Variants in ERV3-1 observed in about 807,000 individuals in gnomAD.
The protein encoded by ERV3-1 is endogenous retrovirus group 3 member 1 Env polyprotein.
Under a neutral mutation model 24.6 loss-of-function variants are expected in ERV3-1, and 36 were observed. The observed-to-expected ratio is 1.47, with a 90% confidence interval of 1.12 to 1.94. ERV3-1 has a LOEUF of 1.94. Ranked by LOEUF, ERV3-1 falls within the 30% of genes most tolerant of loss-of-function variation. The pLI, the probability that ERV3-1 is intolerant of heterozygous loss-of-function variation, is 0.00. For synonymous variants in ERV3-1, 211 were observed against 122.6 expected (o/e 1.72, Z -4.76); for missense variants, 578 against 330.9 (o/e 1.75, Z -5.79).
chr7:64,993,708 T>C (rs1469262476), intron 1 of ERV3-1, among the ~76,000 whole-genome samples: 1 of 152,122 alleles, frequency 6.6e-6, no homozygotes, highest in Non-Finnish European at 1.5e-5. Context: ...ATAGGGCGAA[T>C]ACCCAGTTTG....
chr7:65,006,538 C>T lies in ERV3-1; in HGVS notation c.-389+3G>A, dbSNP rs976491279. ...CTCGGGATGTCGGACCCGGCACTCTCACCATTTCTAGGCTTCCAGTGGGTC... is the reference window on the plus strand; with the variant it reads ...CTCGGGATGTCGGACCCGGCACTCTTACCATTTCTAGGCTTCCAGTGGGTC... On this transcript the variant is annotated splice_donor_region_variant and intron_variant, in intron 1 of 1. Coordinates refer to ENST00000394323, the MANE Select transcript of ERV3-1 (RefSeq NM_001007253.4). 9.1e-5 allele frequency: 144 copies of T among 1,576,336 alleles called. No homozygotes were observed. Among genetic ancestry groups the T allele is most frequent in the Non-Finnish European group, 1.1e-4 (126 of 1,147,418 alleles).
Position 64,990,703 on chromosome 7 carries a change from GAAT to G in ERV3-1, c.*506_*508del, listed in dbSNP as rs1371487475. 1.3e-5 allele frequency: 2 copies of G among 152,376 alleles called. No individual in the cohort carries two copies. The highest frequency in any genetic ancestry group is 4.8e-5 in the African/African-American group (2 of 41,470). The allele number at this position is 152,376 out of a possible 1,614,324, so 9.4% of individuals were successfully genotyped here. ...AAAATAGTTGTGAGAGCAGAACAAA[GAAT>G]AATGTTATGGGGAGAGAATTTCAAA... On this transcript the variant is annotated 3_prime_UTR_variant, in exon 2 of 2. Transcript: ENST00000394323.
rs537475056 is a variant in ERV3-1 at position 64,992,454 on chromosome 7, A to G, written c.573T>C (p.Asp191=). Residue 191 remains aspartate (D), a synonymous_variant, in exon 2 of 2, where the codon GAT becomes GAC. Coordinates refer to ENST00000394323, the MANE Select transcript of ERV3-1 (RefSeq NM_001007253.4). ...IMLTKIPLEP[D]CKTSTCNSVN... ...CAGAATTGCAAGTGCTTGTTTTACA[A>G]TCTGGTTCTAATGGTATTTTGGTAA... The G allele has an allele frequency of 1.2e-5, 9 of 766,312 alleles. No homozygotes were observed. Among genetic ancestry groups the G allele is most frequent in the African/African-American group, 1.0e-4 (6 of 59,212 alleles). The allele number at this position is 766,312 out of a possible 1,614,324, so 47.5% of individuals were successfully genotyped here. A position where few individuals can be genotyped will look rare whatever the true frequency, so the allele number is the denominator to read the frequency against.
intron 1 of ERV3-1, among the ~76,000 whole-genome samples, chr7:64,996,192 G>T (rs1355025984): frequency 6.6e-6 from 1 of 152,184 alleles, no homozygotes; most frequent in African/African-American, 2.4e-5. Flanking sequence ...ATCAGATCCT[G>T]GTCCAGGCAA....
chr7:64,991,226 T>C lies in ERV3-1; in HGVS notation c.1801A>G (p.Thr601Ala), dbSNP rs1378987691. The change falls in exon 2 of 2, where the codon ACT becomes GCT. Residue 601 changes from threonine to alanine, a missense_variant. By Grantham distance (58) the Thr-to-Ala change is moderately conservative. Coordinates refer to ENST00000394323, the MANE Select transcript of ERV3-1 (RefSeq NM_001007253.4). ...IQKLAHIPVQTWKG is the reference protein window; with the variant it reads ...IQKLAHIPVQAWKG ...GAATCTGGAGACTATCCTTTCCAAG[T>C]CTGAACTGGGATGTGAGCTAACTTT... The C allele has an allele frequency of 2.7e-6, 2 of 753,506 alleles. No individual in the cohort carries two copies. The highest frequency in any genetic ancestry group is 2.4e-5 in the East Asian group (1 of 41,068). The allele number at this position is 753,506 out of a possible 1,614,324, so 46.7% of individuals were successfully genotyped here. A position where few individuals can be genotyped will look rare whatever the true frequency, so the allele number is the denominator to read the frequency against.
In ERV3-1 at chr7:64,991,961, G is replaced by A. The variant is rs1262539982; in HGVS notation, c.1066C>T (p.Pro356Ser). ...CCTAGGCAAGTTAACTCTCCTACTG[G>A]GTCTGTAAAGGCCTTTCCCCAGCGA... is the stretch of plus-strand genomic sequence containing the variant. ...IARWGKAFTD[P>S]VGELTCLGQQ... The change falls in exon 2 of 2, where the codon CCA (proline) becomes TCA (serine). Residue 356 changes from proline to serine, a missense_variant. Coordinates refer to ENST00000394323, the MANE Select transcript of ERV3-1 (RefSeq NM_001007253.4). The A allele has an allele frequency of 1.3e-6, 1 of 766,216 alleles. No homozygotes were observed. The highest frequency in any genetic ancestry group is 1.7e-5 in the African/African-American group (1 of 59,096). The allele number at this position is 766,216 out of a possible 1,614,324, so 47.5% of individuals were successfully genotyped here. A position where few individuals can be genotyped will look rare whatever the true frequency, so the allele number is the denominator to read the frequency against.
chr7:65,004,261 G>A (rs2129124835), intron 1 of ERV3-1: 1 of 152,378 alleles, frequency 6.6e-6, no homozygotes, highest in African/African-American at 2.4e-5. Flanking sequence ...TACTTGGGAG[G>A]CTGAGGTAGG....
In ERV3-1 at chr7:64,990,580, G is replaced by A. The variant is rs1459623018; in HGVS notation, c.*632C>T. 4 of 152,316 alleles carry A rather than the reference G, an allele frequency of 2.6e-5. No individual in the cohort carries two copies. The highest frequency in any genetic ancestry group is 1.9e-4 in the East Asian group (1 of 5,198). The allele number at this position is 152,316 out of a possible 1,614,324, so 9.4% of individuals were successfully genotyped here. ...GGTTTTACAACAGGATTTGCAACAT[G>A]AGCCTACCTTACTTAAACATGTCTT... On this transcript the variant is annotated 3_prime_UTR_variant, in exon 2 of 2. Transcript: ENST00000394323.
chr7:65,001,082 G>C (rs1352897148), intron 1 of ERV3-1, among the ~76,000 whole-genome samples: 1 of 151,562 alleles, frequency 6.6e-6, no homozygotes, highest in African/African-American at 2.4e-5. Flanking sequence ...ATACCTGTTT[G>C]GTGCTATGCT....
chr7:64,993,092 T>C lies in ERV3-1; in HGVS notation c.-66A>G, dbSNP rs555690054. The C allele has an allele frequency of 7.9e-6, 5 of 630,688 alleles. No individual in the cohort carries two copies. In the East Asian group the frequency reaches 1.0e-4, roughly 13 times the overall value. The allele number at this position is 630,688 out of a possible 1,614,324, so 39.1% of individuals were successfully genotyped here. On this transcript the variant is annotated 5_prime_UTR_variant, in exon 2 of 2. Transcript: ENST00000394323. The stretch of plus-strand genomic sequence containing the variant: ...AAGTGACAGCTTAATAGCAAAGTAA[T>C]TAATATGACAAGGAAAATTACTGGA...
Position 64,991,232 on chromosome 7 carries a change from C to T in ERV3-1, c.1795G>A (p.Val599Ile). Residue 599 changes from valine to isoleucine, a missense_variant, in exon 2 of 2, where the codon GTT (valine) becomes ATT (isoleucine). Physicochemically the swap from Val to Ile is conservative, Grantham distance 29. Coordinates refer to ENST00000394323, the MANE Select transcript of ERV3-1 (RefSeq NM_001007253.4). ...GGAGACTATCCTTTCCAAGTCTGAA[C>T]TGGGATGTGAGCTAACTTTTGGATT... Reference protein sequence around the residue: ...AKIQKLAHIPVQTWKG With the variant: ...AKIQKLAHIPIQTWKG 1.3e-6 allele frequency: 1 copy of T among 754,448 alleles called. No homozygotes were observed. The highest frequency in any genetic ancestry group is 2.4e-6 in the Non-Finnish European group (1 of 411,820). The allele number at this position is 754,448 out of a possible 1,614,324, so 46.7% of individuals were successfully genotyped here.
Position 64,992,883 on chromosome 7 carries a change from G to A in ERV3-1, c.144C>T (p.His48=). The A allele has an allele frequency of 1.3e-6, 1 of 766,430 alleles. No homozygotes were observed. Among genetic ancestry groups the A allele is most frequent in the East Asian group, 2.4e-5 (1 of 41,240 alleles). The allele number at this position is 766,430 out of a possible 1,614,324, so 47.5% of individuals were successfully genotyped here. The change falls in exon 2 of 2, where the codon CAC becomes CAT. Residue 48 remains histidine, a synonymous_variant. Transcript: ENST00000394323. ...GNIMTKTLLY[H]TYYECAGTCL... is the part of the protein sequence containing the mutation. ...AGGTCCCAGCACACTCATAATAAGT[G>A]TGATACAACAGGGTTTTAGTCATGA...
chr7:65,004,585 TA>T (rs1195408588), intron 1 of ERV3-1: 10 of 152,184 alleles, frequency 6.6e-5, no homozygotes, highest in African/African-American at 2.4e-4. Flanking sequence ...GCCCTACTAA[TA>T]AAATGCAAGT....
At position 64,991,612 on chromosome 7, in the gene ERV3-1, C is replaced by T. The variant is rs1425424416; in HGVS notation, c.1415G>A (p.Gly472Asp). The T allele has an allele frequency of 2.8e-6, 2 of 704,178 alleles. No homozygotes were observed. Among genetic ancestry groups the T allele is most frequent in the Middle Eastern group, 2.3e-4 (1 of 4,370 alleles). The allele number at this position is 704,178 out of a possible 1,614,324, so 43.6% of individuals were successfully genotyped here. A position where few individuals can be genotyped will look rare whatever the true frequency, so the allele number is the denominator to read the frequency against. Residue 472 changes from glycine to aspartate, a missense_variant, in exon 2 of 2, where the codon GGC (glycine) becomes GAC (aspartate). Physicochemically the swap from Gly to Asp is moderately conservative, Grantham distance 94 (BLOSUM62 -1). Coordinates refer to ENST00000394323, the MANE Select transcript of ERV3-1 (RefSeq NM_001007253.4). ...GTCCTTCCAATCTCCTATAGTTATG[C>T]CTCTTTTGCTTTTCCTTTTAGTTTC... Reference protein sequence around the residue: ...YDETKRKSKRGITIGDWKDNE... With the variant: ...YDETKRKSKRDITIGDWKDNE...
At position 64,992,322 on chromosome 7, in the gene ERV3-1, G is replaced by C; in HGVS notation, c.705C>G (p.Val235=). Residue 235 remains valine, a synonymous_variant, in exon 2 of 2, where the codon GTC becomes GTG. Coordinates refer to ENST00000394323, the MANE Select transcript of ERV3-1 (RefSeq NM_001007253.4). ...SGEEIGPGAY[V]YLYIIKKTRT... is the part of the protein sequence containing the mutation. ...GAGTTTTCTTTATGATATATAGATAGACATAGGCTCCTGGGCCAATTTCTT... is the reference window on the plus strand; with the variant it reads ...GAGTTTTCTTTATGATATATAGATACACATAGGCTCCTGGGCCAATTTCTT... The C allele has an allele frequency of 1.3e-6, 1 of 766,242 alleles. No individual in the cohort carries two copies. 47.5% of individuals were successfully genotyped at this position (766,242 alleles called of 1,614,324 possible). A position where few individuals can be genotyped will look rare whatever the true frequency, so the allele number is the denominator to read the frequency against.
In ERV3-1 at chr7:64,993,194, G is replaced by A. The variant is rs945411825; in HGVS notation, c.-168C>T. On this transcript the variant is annotated 5_prime_UTR_variant, in exon 2 of 2. Coordinates refer to ENST00000394323, the MANE Select transcript of ERV3-1 (RefSeq NM_001007253.4). ...CGTGCATAGACTAGTCAGCTTCTGGGGTGACTAGAGCAGGGCTGTTGTCTC... is the reference window on the plus strand; with the variant it reads ...CGTGCATAGACTAGTCAGCTTCTGGAGTGACTAGAGCAGGGCTGTTGTCTC... 7 of 591,578 alleles carry A rather than the reference G, an allele frequency of 1.2e-5. No homozygotes were observed. Among genetic ancestry groups the A allele is most frequent in the Non-Finnish European group, 2.1e-5 (7 of 332,920 alleles). The allele number at this position is 591,578 out of a possible 1,614,324, so 36.6% of individuals were successfully genotyped here.
intron 1 of ERV3-1, 162 bp downstream of exon 1, chr7:65,006,379 C>T (rs1450036921): frequency 8.2e-7 from 1 of 1,221,708 alleles, no homozygotes; most frequent in East Asian, 2.4e-5. Context: ...GGCCGCCATC[C>T]TATGGCTGAA....
At chr7:64,995,531 T>C (rs1448072549) in intron 1 of ERV3-1, among the ~76,000 whole-genome samples, 2 of 152,172 alleles carry the variant, frequency 1.3e-5, no homozygotes, top group African/African-American at 4.8e-5. Flanking sequence ...TGGCTTCATA[T>C]AAGGGCCTGG....
intron 1 of ERV3-1, among the ~76,000 whole-genome samples, chr7:65,000,916 A>G (rs1334784454): frequency 1.3e-5 from 2 of 152,228 alleles, no homozygotes; most frequent in African/African-American, 4.8e-5. Flanking sequence ...GGAGACCATT[A>G]TCCTTAGAAA....
Sources: allele counts gnomAD v4.1 joint callset (sites outside exome capture counted in the v4.1 genomes callset), GRCh38; gene constraint gnomAD v4.1.1; transcripts MANE v1.5; gene names NCBI Gene and HGNC (gene_info 2026-07-23, HGNC 2026-07-21).